The following BAIAP2L2 variants were observed in gnomAD, a reference collection of about 807,000 sequenced individuals.
The protein encoded by BAIAP2L2 is BAR/IMD domain containing adaptor protein 2 like 2, also known as BAR/IMD domain-containing adapter protein 2-like 2.
A neutral mutation model predicts 60.4 loss-of-function variants in BAIAP2L2; 65 were observed. That is an observed-to-expected ratio of 1.08 (90% CI 0.88 to 1.32). The LOEUF (loss-of-function observed/expected upper bound fraction) is 1.32, where lower values mean the gene tolerates loss of function less well. Among genes scored for constraint, BAIAP2L2 ranks in the 40% most tolerant of loss-of-function variants. The pLI, the probability that BAIAP2L2 is intolerant of heterozygous loss-of-function variation, is 0.00. For synonymous variants in BAIAP2L2, 344 were observed against 301.7 expected (o/e 1.14, Z -1.45); for missense variants, 836 against 741.2 (o/e 1.13, Z -1.48).
chr22:38,089,602 C>A lies in BAIAP2L2; in HGVS notation c.685G>T (p.Ala229Ser), dbSNP rs1024664852. 1 of 1,234,400 alleles carries A rather than the reference C, an allele frequency of 8.1e-7. No homozygotes were observed. The highest frequency in any genetic ancestry group is 1.0e-6 in the Non-Finnish European group (1 of 990,584). 76.5% of individuals were successfully genotyped at this position (1,234,400 alleles called of 1,614,324 possible). A position where few individuals can be genotyped will look rare whatever the true frequency, so the allele number is the denominator to read the frequency against. Residue 229 changes from alanine (A) to serine (S), a missense_variant, in exon 8 of 14, where the codon GCC (alanine) becomes TCC (serine). Transcript: ENST00000381669. Reference protein sequence around the residue: ...QSEASRSPSRAHSPGLLGPAL... With the variant: ...QSEASRSPSRSHSPGLLGPAL... ...GGGCCCAGCAGGCCGGGGGAGTGGGCGCGCGACGGGCTGCGGCTGGCCTCA... is the reference window on the plus strand; with the variant it reads ...GGGCCCAGCAGGCCGGGGGAGTGGGAGCGCGACGGGCTGCGGCTGGCCTCA...
At chr22:38,093,416 G>A (rs180694988) in intron 7 of BAIAP2L2, among the ~76,000 whole-genome samples, 10 of 152,282 alleles carry the variant, frequency 6.6e-5, no homozygotes, top group East Asian at 3.9e-4. Flanking sequence ...CCATGCATAG[G>A]GGAAAATCTG....
chr22:38,091,604 T>A (rs1338791264), intron 7 of BAIAP2L2: 3 of 151,846 alleles, frequency 2.0e-5, no homozygotes, highest in East Asian at 1.9e-4. Flanking sequence ...ATGGGAAAAA[T>A]TTTAAAAATA....
intron 3 of BAIAP2L2, 81 bp from the exon 4 acceptor site, chr22:38,107,994 A>G: frequency 2.1e-6 from 3 of 1,455,906 alleles, no homozygotes; most frequent in South Asian, 1.2e-5. Context: ...CTGAAAGCCA[A>G]CAGAGGGCCT....
chr22:38,097,212 T>G (rs1602014874), intron 6 of BAIAP2L2, 34 bp from the exon 7 acceptor site: 1 of 1,603,296 alleles, frequency 6.2e-7, no homozygotes, highest in Non-Finnish European at 8.5e-7. Flanking sequence ...CTGGGGGCGG[T>G]GGGTGTGTCT....
chr22:38,097,161 C>T lies in BAIAP2L2; in HGVS notation c.483G>A (p.Leu161=), dbSNP rs1365345586. 2 of 1,613,580 alleles carry T rather than the reference C, an allele frequency of 1.2e-6. No individual in the cohort carries two copies. Among genetic ancestry groups the T allele is most frequent in the Admixed American group, 3.3e-5 (2 of 60,000 alleles). ...VREMKESVNR[L]HAQMQAFVSE... is the part of the protein sequence containing the mutation. ...ACACGAAGGCCTGCATCTGTGCGTG[C>T]AGCCGGTTCACACTCTCCTGGGGGG... The change falls in exon 7 of 14, where the codon CTG becomes CTA. Residue 161 remains leucine, a synonymous_variant. Transcript: ENST00000381669.
intron 4 of BAIAP2L2, among the ~76,000 whole-genome samples, chr22:38,104,584 C>T (rs1292544188): frequency 6.6e-6 from 1 of 151,568 alleles, no homozygotes. Context: ...CAAGCTCCGC[C>T]TCCCGGGTTC....
chr22:38,089,107 G>A lies in BAIAP2L2; in HGVS notation c.890C>T (p.Thr297Met), dbSNP rs751764483. The A allele has an allele frequency of 1.2e-5, 16 of 1,376,786 alleles. 1 individual carries two copies. In the South Asian group the frequency reaches 1.8e-4, roughly 16 times the overall value. 85.3% of individuals were successfully genotyped at this position (1,376,786 alleles called of 1,614,324 possible). ...LEPDRRSLPR[T>M]PSASSLYSGS... ...GCGGGGGCACTCACAGGCCGACGGC[G>A]TGCGGGGCAGGGAGCGACGGTCTGG... The change falls in exon 9 of 14, where the codon ACG (threonine) becomes ATG (methionine). Residue 297 changes from threonine (T) to methionine (M), a missense_variant. Transcript: ENST00000381669.
intron 1 of BAIAP2L2, among the ~76,000 whole-genome samples, chr22:38,110,056 A>AGG (rs1208479511): frequency 3.8e-5 from 1 of 26,480 alleles, no homozygotes; most frequent in African/African-American, 1.2e-4. Flanking sequence ...AGACAGAGAG[A>AGG]GAGAGAGAGA....
chr22:38,108,212 G>C (rs1478064180), intron 3 of BAIAP2L2, 43 bp downstream of exon 3: 3 of 1,568,778 alleles, frequency 1.9e-6, no homozygotes, highest in Non-Finnish European at 2.6e-6. Flanking sequence ...GGGTGCAAAA[G>C]GAGGGCCCAA....
intron 7 of BAIAP2L2, among the ~76,000 whole-genome samples, chr22:38,095,822 G>T (rs1029998860): frequency 1.3e-5 from 2 of 152,048 alleles, no homozygotes; most frequent in Admixed American, 1.3e-4. Context: ...GTCACCACAG[G>T]TAGAGAGAAA....
chr22:38,087,102 C>A, intron 11 of BAIAP2L2, 22 bp downstream of exon 11: 1 of 1,536,116 alleles, frequency 6.5e-7, no homozygotes. Flanking sequence ...CACCCCCGCC[C>A]CACCCCTGAT....
At chr22:38,087,763 A>C (rs2086140456) in intron 10 of BAIAP2L2, among the ~76,000 whole-genome samples, 5 of 140,726 alleles carry the variant, frequency 3.6e-5, no homozygotes, top group African/African-American at 1.1e-4. Context: ...ACCTGTCTAT[A>C]CTCCATCCCC....
upstream of BAIAP2L2, chr22:38,110,818 TGATAC>T: frequency 2.2e-6 from 1 of 445,550 alleles, no homozygotes; most frequent in Non-Finnish European, 4.0e-6. Flanking sequence ...AGCTGTGGGC[TGATAC>T]AAGTGCCCAT....
intron 1 of BAIAP2L2, 81 bp from the exon 2 acceptor site, chr22:38,109,289 G>A: frequency 8.5e-7 from 1 of 1,182,938 alleles, no homozygotes; most frequent in Non-Finnish European, 1.2e-6. Flanking sequence ...AAGTCACCAG[G>A]CGTCAGGGAC....
At chr22:38,095,625 A>G (rs2086410601) in intron 7 of BAIAP2L2, among the ~76,000 whole-genome samples, 1 of 152,108 alleles carries the variant, frequency 6.6e-6, no homozygotes, top group Non-Finnish European at 1.5e-5. Flanking sequence ...TCGCGCTCCC[A>G]AAGTGTTGGG....
At position 38,108,252 on chromosome 22, in the gene BAIAP2L2, C is replaced by T. The variant is rs761115031; in HGVS notation, c.214+3G>A. 2 of 1,611,796 alleles carry T rather than the reference C, an allele frequency of 1.2e-6. No individual in the cohort carries two copies. Among genetic ancestry groups the T allele is most frequent in the South Asian group, 1.1e-5 (1 of 90,786 alleles). On this transcript the variant is annotated splice_donor_region_variant and intron_variant, in intron 3 of 13. Transcript: ENST00000381669. ...GGGGTCTGCTGTGGAGGGGGAGCCTCACCCAGAATCTGTGAGGTGGGGCTC... is the reference window on the plus strand; with the variant it reads ...GGGGTCTGCTGTGGAGGGGGAGCCTTACCCAGAATCTGTGAGGTGGGGCTC...
chr22:38,087,023 AAAAC>A (rs2086102276), intron 11 of BAIAP2L2, 97 bp downstream of exon 11: 12 of 1,366,592 alleles, frequency 8.8e-6, no homozygotes, highest in Admixed American at 3.7e-5. Context: ...ACAAAACAAA[AAAAC>A]AAAAAAACAA....
chr22:38,089,164 T>G lies in BAIAP2L2; in HGVS notation c.833A>C (p.Glu278Ala). ...CTGGGACGCGGGCCTCGCGTCGGGC[T>G]CGGTGCCGTAGGAGCCGGAGCCGTG... ...SRHGSGSYGT[E>A]PDARPASQLE... The change falls in exon 9 of 14, where the codon GAG becomes GCG. Residue 278 changes from glutamate (E) to alanine (A), a missense_variant. Coordinates refer to ENST00000381669, the MANE Select transcript of BAIAP2L2 (RefSeq NM_025045.6). 2 of 1,332,684 alleles carry G rather than the reference T, an allele frequency of 1.5e-6. No homozygotes were observed. 82.6% of individuals were successfully genotyped at this position (1,332,684 alleles called of 1,614,324 possible).
At chr22:38,097,412 C>G (rs1414621288) in intron 6 of BAIAP2L2, among the ~76,000 whole-genome samples, 1 of 152,216 alleles carries the variant, frequency 6.6e-6, no homozygotes, top group Non-Finnish European at 1.5e-5. Context: ...AGCAGGGCTG[C>G]TGTCTGAGCC....
Sources: gnomAD v4.1 joint callset for allele counts (sites outside exome capture counted in the v4.1 genomes callset) on GRCh38, gnomAD v4.1.1 for gene constraint, MANE v1.5 for transcripts, NCBI Gene and HGNC (gene_info 2026-07-23, HGNC 2026-07-21) for gene names.